The following SLC16A12 variants were observed in gnomAD, a reference collection of about 807,000 sequenced individuals.
The protein encoded by SLC16A12 is monocarboxylate transporter 12.
In SLC16A12, 17 loss-of-function variants were observed where a neutral mutation model predicts 42.4. That is an observed-to-expected ratio of 0.40 (90% CI 0.27 to 0.60). The LOEUF (loss-of-function observed/expected upper bound fraction) is 0.60, where lower values mean the gene tolerates loss of function less well. SLC16A12 is among the 20% of genes least tolerant of loss of function. The pLI, the probability that SLC16A12 is intolerant of heterozygous loss-of-function variation, is 0.42. For synonymous variants in SLC16A12, 224 were observed against 229.4 expected, an observed-to-expected ratio of 0.98 and a Z score of 0.21; for missense variants, 544 against 623.0, an observed-to-expected ratio of 0.87 and a Z score of 1.35.
chr10:89,459,866 G>A (rs1842267296), intron 3 of SLC16A12, among the ~76,000 whole-genome samples: 2 of 152,162 alleles, frequency 1.3e-5, no homozygotes, highest in African/African-American at 2.4e-5. Context: ...ACTTGAACCC[G>A]GGAGGCGGAG....
intron 2 of SLC16A12, among the ~76,000 whole-genome samples, chr10:89,504,522 T>C (rs927242403): frequency 8.5e-5 from 13 of 152,212 alleles, no homozygotes; most frequent in African/African-American, 2.4e-4. Context: ...GAATAGATTT[T>C]CCGCTTTTTC....
intron 2 of SLC16A12, among the ~76,000 whole-genome samples, chr10:89,486,640 AAAGAAAGAAAG>A (rs1842753508): frequency 8.2e-6 from 1 of 122,060 alleles, no homozygotes; most frequent in African/African-American, 2.9e-5. Context: ...AGAAAGAAAG[AAAGAAAGAAAG>A]AAAGAAAGAA....
chr10:89,507,219 G>A (rs1843077884), intron 2 of SLC16A12, among the ~76,000 whole-genome samples: 1 of 152,048 alleles, frequency 6.6e-6, no homozygotes, highest in South Asian at 2.1e-4. Flanking sequence ...AGGAAATACA[G>A]AGAACACCAC....
intron 2 of SLC16A12, 154 bp from the exon 3 acceptor site, chr10:89,462,778 G>C: frequency 1.3e-6 from 1 of 791,142 alleles, no homozygotes; most frequent in Non-Finnish European, 1.9e-6. Context: ...GTTGTCCTTG[G>C]TACATGCTTT....
chr10:89,552,226 C>T (rs1207303582), intron 2 of SLC16A12, among the ~76,000 whole-genome samples: 16 of 152,224 alleles, frequency 1.1e-4, no homozygotes, highest in East Asian at 5.8e-4. Flanking sequence ...GAGCCACTCA[C>T]GCCTGGCCAA....
intron 2 of SLC16A12, among the ~76,000 whole-genome samples, chr10:89,495,086 T>G (rs935259686): frequency 6.6e-6 from 1 of 152,108 alleles, no homozygotes; most frequent in African/African-American, 2.4e-5. Flanking sequence ...TAGTGGCTCA[T>G]GCCCCTGTAA....
upstream of SLC16A12, among the ~76,000 whole-genome samples, chr10:89,536,121 C>G (rs1048116691): frequency 2.0e-5 from 3 of 152,180 alleles, no homozygotes; most frequent in Non-Finnish European, 4.4e-5. Context: ...CCGGACCCTC[C>G]CCGGGAAGAG....
At chr10:89,447,484 G>T (rs143862685) in intron 3 of SLC16A12, among the ~76,000 whole-genome samples, 2,198 of 152,312 alleles carry the variant, frequency 0.014, 26 homozygotes, top group Non-Finnish European at 0.022. Context: ...CATGGAAACT[G>T]AACAACCTGC....
chr10:89,481,481 G>A (rs1384790114), intron 2 of SLC16A12, among the ~76,000 whole-genome samples: 1 of 151,976 alleles, frequency 6.6e-6, no homozygotes, highest in African/African-American at 2.4e-5. Flanking sequence ...TAATACCTGA[G>A]AGTTTTGCTT....
intron 2 of SLC16A12, among the ~76,000 whole-genome samples, chr10:89,464,456 C>G (rs1842359329): frequency 6.6e-6 from 1 of 152,170 alleles, no homozygotes; most frequent in Admixed American, 6.5e-5. Context: ...AGAGTTTCAA[C>G]ATCTACTTTT....
Position 89,545,904 on chromosome 10 carries a change from C to T in SLC16A12, c.-47+9978G>A, listed in dbSNP as rs562900848. On this transcript the variant is annotated intron_variant, in intron 2 of 2. Transcript: ENST00000475682. Reference sequence around the variant, plus strand: ...AGACCTCAGAAATAACACCACACATCTACAACAAACTGGACAAAAAGAAGC... The same window carrying T: ...AGACCTCAGAAATAACACCACACATTTACAACAAACTGGACAAAAAGAAGC... Among the ~76,000 whole-genome samples, 3 of 152,268 alleles carry T rather than the reference C, an allele frequency of 2.0e-5. No homozygotes were observed. The South Asian group carries it at 6.2e-4, about 32-fold the overall frequency.
At chr10:89,439,506 T>C (rs1841866927) in intron 5 of SLC16A12, among the ~76,000 whole-genome samples, 2 of 152,118 alleles carry the variant, frequency 1.3e-5, no homozygotes, top group South Asian at 4.1e-4. Context: ...CCAAAGAAAC[T>C]TATCACTTCC....
intron 2 of SLC16A12, among the ~76,000 whole-genome samples, chr10:89,509,879 CA>C (rs1397957862): frequency 6.6e-6 from 1 of 152,152 alleles, no homozygotes; most frequent in Non-Finnish European, 1.5e-5. Flanking sequence ...AGCTGATAAG[CA>C]ACTTCAGCAA....
At chr10:89,488,542 T>C (rs1459855697) in intron 2 of SLC16A12, among the ~76,000 whole-genome samples, 2 of 152,190 alleles carry the variant, frequency 1.3e-5, no homozygotes, top group Non-Finnish European at 2.9e-5. Context: ...ATTGATAGGC[T>C]ATGGGAGAGG....
chr10:89,538,154 G>T (rs983639849), upstream of SLC16A12, among the ~76,000 whole-genome samples: 1 of 152,228 alleles, frequency 6.6e-6, no homozygotes, highest in East Asian at 1.9e-4. Flanking sequence ...TGGAGGATTG[G>T]GGGTGGAGAA....
chr10:89,496,693 C>T (rs1842926241), intron 2 of SLC16A12, among the ~76,000 whole-genome samples: 1 of 152,110 alleles, frequency 6.6e-6, no homozygotes. Flanking sequence ...CTAACATCCT[C>T]ATGATTTGGA....
At chr10:89,486,737 A>G (rs112112290) in intron 2 of SLC16A12, among the ~76,000 whole-genome samples, 3 of 151,650 alleles carry the variant, frequency 2.0e-5, no homozygotes, top group Admixed American at 2.0e-4. Context: ...AAACGAAATA[A>G]GTAGAAATAA....
rs1222541710 is a variant in SLC16A12, at chr10:89,523,044, A to C, written c.-47+11457T>G. Among the ~76,000 whole-genome samples the C allele has an allele frequency of 2.0e-5, 3 of 152,144 alleles. No individual in the cohort carries two copies. In the East Asian group the frequency reaches 5.8e-4, roughly 29 times the overall value. ...TTTTTTCTTCCTGTTTCAAAGAAAGACTTGTCACTCTATATTTAGTCTTGC... is the reference window on the plus strand; with the variant it reads ...TTTTTTCTTCCTGTTTCAAAGAAAGCCTTGTCACTCTATATTTAGTCTTGC... On this transcript the variant is annotated intron_variant, in intron 2 of 7. Transcript: ENST00000371790.
At chr10:89,547,253 A>T (rs911992841) in intron 2 of SLC16A12, among the ~76,000 whole-genome samples, 1 of 152,246 alleles carries the variant, frequency 6.6e-6, no homozygotes, top group Non-Finnish European at 1.5e-5. Flanking sequence ...CATTATCAGA[A>T]GTCTTTTGTA....
Sources: allele counts gnomAD v4.1 joint callset (sites outside exome capture counted in the v4.1 genomes callset), GRCh38; gene constraint gnomAD v4.1.1; transcripts MANE v1.5; gene names NCBI Gene and HGNC (gene_info 2026-07-23, HGNC 2026-07-21).